OR1J2: variants seen among roughly 807,000 people sequenced by gnomAD.
The protein encoded by OR1J2 is olfactory receptor family 1 subfamily J member 2.
For synonymous variants in OR1J2, 142 were observed against 99.7 expected, an observed-to-expected ratio of 1.42 and a Z score of -2.52; for missense variants, 304 against 246.1, an observed-to-expected ratio of 1.24 and a Z score of -1.57.
chr9:122,508,509 G>A (rs1828571812), upstream of OR1J2, among the ~76,000 whole-genome samples: 1 of 152,142 alleles, frequency 6.6e-6, no homozygotes, highest in Non-Finnish European at 1.5e-5. Flanking sequence ...CTTATTAAAG[G>A]AATATTGAAA....
chr9:122,500,335 C>G, the OR1J2 span, among the ~76,000 whole-genome samples: 1 of 152,162 alleles, frequency 6.6e-6, no homozygotes, highest in East Asian at 1.9e-4. Context: ...GAGGGAGGCT[C>G]TCTGCCTCTC....
the OR1J2 span, among the ~76,000 whole-genome samples, chr9:122,548,762 C>T: frequency 8.3e-6 from 1 of 120,360 alleles, no homozygotes; most frequent in South Asian, 3.7e-4. Context: ...ACCCCCACCC[C>T]ACAACAGGCC....
the OR1J2 span, chr9:122,477,110 T>C: frequency 4.3e-5 from 70 of 1,613,722 alleles, no homozygotes; most frequent in Non-Finnish European, 5.7e-5. Context: ...ACTGAAGCAA[T>C]TATGTTCTTG....
chr9:122,553,318 GC>G, the OR1J2 span: 1 of 1,613,900 alleles, frequency 6.2e-7, no homozygotes, highest in South Asian at 1.1e-5. Context: ...ATCTTCCTTG[GC>G]ATGTACCTGG....
the OR1J2 span, among the ~76,000 whole-genome samples, chr9:122,457,424 G>A: frequency 4.0e-5 from 6 of 151,826 alleles, no homozygotes; most frequent in African/African-American, 7.3e-5. Context: ...TACTACTACC[G>A]ACAATGAGCA....
At chr9:122,469,048 G>A in the OR1J2 span, among the ~76,000 whole-genome samples, 1 of 152,196 alleles carries the variant, frequency 6.6e-6, no homozygotes, top group African/African-American at 2.4e-5. Context: ...TGTGCAGGCT[G>A]TGCAGTCGTG....
At chr9:122,507,683 C>A (rs902978804), upstream of OR1J2, among the ~76,000 whole-genome samples, 1 of 152,098 alleles carries the variant, frequency 6.6e-6, no homozygotes, top group Admixed American at 6.5e-5. Flanking sequence ...TTTGTATACT[C>A]AATTCCACAA....
the OR1J2 span, among the ~76,000 whole-genome samples, chr9:122,504,135 G>C: frequency 1.4e-3 from 209 of 152,282 alleles, no homozygotes; most frequent in Non-Finnish European, 2.0e-3. Context: ...ATTTGCTGCT[G>C]TGTCTATCTG....
chr9:122,493,101 T>C, the OR1J2 span, among the ~76,000 whole-genome samples: 5 of 152,178 alleles, frequency 3.3e-5, no homozygotes, highest in African/African-American at 4.8e-5. Context: ...TTGGTTTTGG[T>C]TCACTAGTAT....
the OR1J2 span, among the ~76,000 whole-genome samples, chr9:122,574,957 A>T: frequency 2.0e-5 from 3 of 152,068 alleles, no homozygotes; most frequent in South Asian, 2.1e-4. Flanking sequence ...TTATGTATTC[A>T]TGTGGCTTTT....
chr9:122,496,352 G>A, the OR1J2 span, among the ~76,000 whole-genome samples: 1 of 152,116 alleles, frequency 6.6e-6, no homozygotes. Flanking sequence ...ACCAGGTGGG[G>A]GCAGGATGGA....
chr9:122,565,176 G>A, the OR1J2 span, among the ~76,000 whole-genome samples: 7 of 152,170 alleles, frequency 4.6e-5, no homozygotes, highest in Non-Finnish European at 1.0e-4. Flanking sequence ...GGATTTTAGA[G>A]GAAACACATT....
At chr9:122,527,773 T>C in the OR1J2 span, among the ~76,000 whole-genome samples, 2 of 152,132 alleles carry the variant, frequency 1.3e-5, no homozygotes, top group Non-Finnish European at 2.9e-5. Context: ...AAAAAGAAAA[T>C]ACGAAGTCCT....
At chr9:122,521,485 G>T in the OR1J2 span, among the ~76,000 whole-genome samples, 1 of 152,216 alleles carries the variant, frequency 6.6e-6, no homozygotes, top group Non-Finnish European at 1.5e-5. Context: ...GACTCAAAGA[G>T]TGATCCTTCA....
At chr9:122,540,900 T>C in the OR1J2 span, among the ~76,000 whole-genome samples, 1 of 152,226 alleles carries the variant, frequency 6.6e-6, no homozygotes, top group Non-Finnish European at 1.5e-5. Context: ...AGTTCACTCA[T>C]GATTTGGCTC....
chr9:122,479,038 G>C, the OR1J2 span, among the ~76,000 whole-genome samples: 1 of 152,110 alleles, frequency 6.6e-6, no homozygotes, highest in Non-Finnish European at 1.5e-5. Flanking sequence ...TAATTGCTCT[G>C]ATCTTTTTAA....
At chr9:122,501,909 T>A in the OR1J2 span, among the ~76,000 whole-genome samples, 1 of 152,162 alleles carries the variant, frequency 6.6e-6, no homozygotes, top group Non-Finnish European at 1.5e-5. Context: ...ACCTGGTAAC[T>A]GAAGCTGATC....
chr9:122,476,988 A>G, the OR1J2 span: 18 of 1,565,744 alleles, frequency 1.1e-5, no homozygotes, highest in Admixed American at 6.7e-5. Context: ...GATTACAGGC[A>G]TGAGCCACTG....
At chr9:122,559,235 T>G in the OR1J2 span, among the ~76,000 whole-genome samples, 1 of 152,174 alleles carries the variant, frequency 6.6e-6, no homozygotes, top group Non-Finnish European at 1.5e-5. Flanking sequence ...TAGTAACCAC[T>G]ATTTTACTCT....
Sources: allele counts gnomAD v4.1 joint callset (sites outside exome capture counted in the v4.1 genomes callset), GRCh38; gene constraint gnomAD v4.1.1; transcripts MANE v1.5; gene names NCBI Gene and HGNC (gene_info 2026-07-23, HGNC 2026-07-21).